Variants in FKBP15 observed in about 807,000 individuals in gnomAD.
The protein encoded by FKBP15 is FKBP prolyl isomerase family member 15, also known as FK506-binding protein 15.
In FKBP15, 106 loss-of-function variants were observed where a neutral mutation model predicts 158.1. The ratio of observed to expected loss-of-function variants is 0.67; its 90% CI spans 0.57 to 0.79. FKBP15 has a LOEUF of 0.79. Among genes scored for constraint, FKBP15 ranks in the 30% least tolerant of loss-of-function variants. The probability of loss-of-function intolerance (pLI) is 0.00; values close to 1 mark genes in which losing one functional copy is unlikely to be tolerated. For missense variants in FKBP15, 1,287 were observed against 1,479.1 expected, an observed-to-expected ratio of 0.87 and a Z score of 2.13; for synonymous variants, 547 against 548.6, an observed-to-expected ratio of 1.00 and a Z score of 0.04.
chr9:113,170,232 TCTCCTGCCTCAGC>T, intron 25 of FKBP15, among the ~76,000 whole-genome samples: 1 of 152,196 alleles, frequency 6.6e-6, no homozygotes, highest in South Asian at 2.1e-4. Flanking sequence ...CTCAAGTGAT[TCTCCTGCCTCAGC>T]CTCCCAAGTA....
chr9:113,181,281 T>A (rs2118883077), intron 19 of FKBP15, among the ~76,000 whole-genome samples: 1 of 152,298 alleles, frequency 6.6e-6, no homozygotes, highest in African/African-American at 2.4e-5. Flanking sequence ...CATGAAAACA[T>A]TTGGGTAGAT....
chr9:113,219,123 C>T (rs993014672), intron 1 of FKBP15, among the ~76,000 whole-genome samples: 8 of 152,116 alleles, frequency 5.3e-5, no homozygotes, highest in South Asian at 2.1e-4. Context: ...CTTCCCACAA[C>T]GGTGAGGAAT....
At chr9:113,197,958 G>T (rs1830719034) in intron 8 of FKBP15, among the ~76,000 whole-genome samples, 1 of 152,200 alleles carries the variant, frequency 6.6e-6, no homozygotes, top group African/African-American at 2.4e-5. Flanking sequence ...TGAAATGATG[G>T]AGAGAACCTT....
In FKBP15 at chr9:113,161,515, C is replaced by A. The variant is rs1158327402; in HGVS notation, c.*4563G>T. On this transcript the variant is annotated 3_prime_UTR_variant, in exon 28 of 28. Coordinates refer to ENST00000238256, the MANE Select transcript of FKBP15 (RefSeq NM_015258.2). The stretch of plus-strand genomic sequence containing the variant: ...ACTCTGCCTCCTTTGACAGGCATGG[C>A]CCTTTCGGTGTTGGTGCTCCTGCTT... 1.2e-6 allele frequency: 2 copies of A among 1,613,814 alleles called. No individual in the cohort carries two copies. The highest frequency in any genetic ancestry group is 2.7e-5 in the African/African-American group (2 of 74,930).
At chr9:113,170,434 A>C in intron 25 of FKBP15, 88 bp downstream of exon 25, 1 of 999,992 alleles carries the variant, frequency 1.0e-6, no homozygotes, top group East Asian at 2.4e-5. Flanking sequence ...GCCAGCTTTG[A>C]ACAATTTTTT....
intron 25 of FKBP15, 50 bp downstream of exon 25, chr9:113,170,472 G>GCAA: frequency 7.8e-7 from 1 of 1,279,956 alleles, no homozygotes. Flanking sequence ...AGGTACTTAA[G>GCAA]CAACAAAATG....
chr9:113,198,726 TGAAC>T lies in FKBP15; in HGVS notation c.717+125_717+128del. Reference sequence around the variant, plus strand: ...AAGATCGTGCCATTGCACTCCAGCTTGAACAACAAGAGCGAAACTCCGTCTCAAA... The same window carrying T: ...AAGATCGTGCCATTGCACTCCAGCTTAACAAGAGCGAAACTCCGTCTCAAA... On this transcript the variant is annotated intron_variant, in intron 8 of 27. Transcript: ENST00000238256. This position sits in a 1 kb window ranked among gnomAD's most constrained non-coding sequence, Gnocchi z 5.2. The T allele has an allele frequency of 1.4e-6, 1 of 690,786 alleles. No individual in the cohort carries two copies. The highest frequency in any genetic ancestry group is 3.0e-5 in the East Asian group (1 of 33,746). The allele number at this position is 690,786 out of a possible 1,614,324, so 42.8% of individuals were successfully genotyped here. A position where few individuals can be genotyped will look rare whatever the true frequency, so the allele number is the denominator to read the frequency against.
At chr9:113,176,485 TA>T in intron 21 of FKBP15, 51 bp downstream of exon 21, 1 of 1,521,152 alleles carries the variant, frequency 6.6e-7, no homozygotes. Flanking sequence ...AAAAGGAAAA[TA>T]AAAATGTTTA....
Position 113,166,048 on chromosome 9 carries a change from G to A in FKBP15, c.*30C>T. On this transcript the variant is annotated 3_prime_UTR_variant, in exon 28 of 28. Transcript: ENST00000238256. ...AAATCATGCTTAGGGAAGGGTTGCA[G>A]AGAAACCTTTGCACCAGTTTCCTGG... is the stretch of plus-strand genomic sequence containing the variant. 1 of 1,599,394 alleles carries A rather than the reference G, an allele frequency of 6.3e-7. No homozygotes were observed. Among genetic ancestry groups the A allele is most frequent in the Non-Finnish European group, 8.5e-7 (1 of 1,170,444 alleles).
Position 113,169,704 on chromosome 9 carries a change from G to T in FKBP15, c.3005C>A (p.Ser1002Tyr). The stretch of plus-strand genomic sequence containing the variant: ...CCCTTTCCTTCTGTGTCCATCCTGG[G>T]AAGTGGTGAGGGCCTGAGGAGGCAA... ...VPLPPQALTTSQDGHRRKGDS... is the reference protein window; with the variant it reads ...VPLPPQALTTYQDGHRRKGDS... Residue 1002 changes from serine to tyrosine, a missense_variant, in exon 26 of 28, where the codon TCC (serine) becomes TAC (tyrosine). Coordinates refer to ENST00000238256, the MANE Select transcript of FKBP15 (RefSeq NM_015258.2). 1 of 1,613,854 alleles carries T rather than the reference G, an allele frequency of 6.2e-7. No individual in the cohort carries two copies. Among genetic ancestry groups the T allele is most frequent in the Non-Finnish European group, 8.5e-7 (1 of 1,179,830 alleles).
At chr9:113,170,410 G>A in intron 25 of FKBP15, 112 bp downstream of exon 25, 1 of 796,406 alleles carries the variant, frequency 1.3e-6, no homozygotes, top group East Asian at 2.5e-5. Context: ...GGGATTACAA[G>A]CATAAGCCAC....
chr9:113,176,492 G>A, intron 21 of FKBP15, 45 bp downstream of exon 21: 1 of 1,524,574 alleles, frequency 6.6e-7, no homozygotes, highest in South Asian at 1.2e-5. Context: ...AAATAAAAAT[G>A]TTTATTAAAC....
chr9:113,206,329 C>A, intron 4 of FKBP15, 180 bp downstream of exon 4: 1 of 573,064 alleles, frequency 1.7e-6, no homozygotes, highest in South Asian at 2.4e-5. Context: ...TTTGTTTTAA[C>A]GCACAATAGT....
chr9:113,190,681 C>G, intron 11 of FKBP15, 103 bp from the exon 12 acceptor site: 1 of 770,472 alleles, frequency 1.3e-6, no homozygotes, highest in Non-Finnish European at 2.2e-6. Context: ...AACAAATCCC[C>G]CTACCATATC....
At chr9:113,200,921 G>GT (rs2118926366) in intron 6 of FKBP15, among the ~76,000 whole-genome samples, 1 of 152,006 alleles carries the variant, frequency 6.6e-6, no homozygotes, top group Admixed American at 6.6e-5. Flanking sequence ...GTGTGCGCCT[G>GT]TAGTCCCAGC....
intron 4 of FKBP15, among the ~76,000 whole-genome samples, chr9:113,203,900 C>T (rs969443279): frequency 2.0e-5 from 3 of 152,150 alleles, no homozygotes; most frequent in African/African-American, 7.2e-5. Flanking sequence ...CTTTCACTCA[C>T]CGTATCTATA....
At position 113,173,579 on chromosome 9, in the gene FKBP15, C is replaced by G. The variant is rs755689212; in HGVS notation, c.2406G>C (p.Gln802His). The G allele has an allele frequency of 8.7e-6, 14 of 1,613,930 alleles. No homozygotes were observed. Among genetic ancestry groups the G allele is most frequent in the Non-Finnish European group, 1.2e-5 (14 of 1,179,890 alleles). ...EQLSLVQAEL[Q>H]TQWEAKCEHL... is the part of the protein sequence containing the mutation. ...GTTCACATTTTGCTTCCCACTGGGT[C>G]TGTAGCTCAGCCTGTACTAAAGACA... The change falls in exon 23 of 28, where the codon CAG becomes CAC. Residue 802 changes from glutamine (Q) to histidine (H), a missense_variant. Coordinates refer to ENST00000238256, the MANE Select transcript of FKBP15 (RefSeq NM_015258.2).
At chr9:113,204,360 G>A (rs574557469) in intron 4 of FKBP15, among the ~76,000 whole-genome samples, 2 of 152,330 alleles carry the variant, frequency 1.3e-5, no homozygotes, top group East Asian at 1.9e-4. Context: ...AAGCCACCGC[G>A]CCCAGCCTCT....
chr9:113,207,244 T>G lies in FKBP15; in HGVS notation c.222A>C (p.Ile74=). 1 of 1,613,392 alleles carries G rather than the reference T, an allele frequency of 6.2e-7. No individual in the cohort carries two copies. The highest frequency in any genetic ancestry group is 1.1e-5 in the South Asian group (1 of 91,066). Residue 74 remains isoleucine (I), a synonymous_variant, in exon 3 of 28, where the codon ATA becomes ATC. Coordinates refer to ENST00000238256, the MANE Select transcript of FKBP15 (RefSeq NM_015258.2). The part of the protein sequence containing the change: ...TAPATMSTPT[I]LVATAVHAYR... ...ATGCATGGACTGCTGTTGCGACCAG[T>G]ATTGTGGGAGTGCTCATGGTGGCTG...
Sources: gnomAD v4.1 joint callset for allele counts (sites outside exome capture counted in the v4.1 genomes callset) on GRCh38, gnomAD v4.1.1 for gene constraint, Gnocchi (gnomAD v3.1) non-coding constraint, MANE v1.5 for transcripts, NCBI Gene and HGNC (gene_info 2026-07-23, HGNC 2026-07-21) for gene names.